LPCAT3: variants seen among roughly 807,000 people sequenced by gnomAD.
The protein encoded by LPCAT3 is lysophosphatidylcholine acyltransferase 3.
Under a neutral mutation model 63.4 loss-of-function variants are expected in LPCAT3, and 21 were observed. That is an observed-to-expected ratio of 0.33 (90% CI 0.23 to 0.48). The LOEUF is 0.48. Among genes scored for constraint, LPCAT3 ranks in the 20% least tolerant of loss-of-function variants. The pLI is 0.99. For missense variants in LPCAT3, 451 were observed against 590.6 expected (o/e 0.76, Z 2.45); for synonymous variants, 242 against 227.5 (o/e 1.06, Z -0.58).
intron 1 of LPCAT3, among the ~76,000 whole-genome samples, chr12:7,003,060 A>G (rs1300415868): frequency 6.6e-6 from 1 of 152,184 alleles, no homozygotes; most frequent in Admixed American, 6.5e-5. Flanking sequence ...TCTCTTATAT[A>G]CCAACATACA....
intron 4 of LPCAT3, 62 bp from the exon 5 acceptor site, chr12:6,981,694 A>T: frequency 1.1e-6 from 1 of 898,898 alleles, no homozygotes; most frequent in Non-Finnish European, 1.7e-6. Flanking sequence ...TGTGGCCTGT[A>T]GACTGAGTGC....
At position 6,997,379 on chromosome 12, in the gene LPCAT3, ATGTGTGTGTGTGTG is replaced by A. The variant is rs201579525; in HGVS notation, c.152-13854_152-13841del. ...CATGCCCCCAAAACAACAGCAAATT[ATGTGTGTGTGTGTG>A]TGTGTGTGTGTGTGTGTGTGTGTGT... On this transcript the variant is annotated intron_variant, in intron 1 of 12. Transcript: ENST00000261407. 2.6e-3 allele frequency: 294 copies of A among 114,148 alleles called. 3 individuals carry two copies. The highest frequency in any genetic ancestry group is 6.6e-3 in the Admixed American group (70 of 10,638). The allele number at this position is 114,148 out of a possible 1,614,324, so 7.1% of individuals were successfully genotyped here.
intron 1 of LPCAT3, among the ~76,000 whole-genome samples, chr12:6,995,312 A>G (rs1168938119): frequency 1.3e-5 from 2 of 151,914 alleles, no homozygotes; most frequent in Admixed American, 6.6e-5. Flanking sequence ...CATCTCTACT[A>G]AAAATACAAA....
chr12:6,982,980 C>CT, intron 2 of LPCAT3, 198 bp from the exon 3 acceptor site: 4 of 655,004 alleles, frequency 6.1e-6, no homozygotes, highest in Admixed American at 2.2e-5. Context: ...TATTTCTTTT[C>CT]TTTTTTTGTT....
rs1013072744 is a variant in LPCAT3, at chr12:6,977,903, T to C, written c.1041-158A>G. On this transcript the variant is annotated intron_variant, in intron 9 of 12. Transcript: ENST00000261407. The surrounding 1 kb of genome is among the most constrained non-coding windows in gnomAD (Gnocchi z 4.5). ...AGGAGGCAGTGCTGACTGATTACTT[T>C]TAGAGATGGAAAGCAGACCCAAGGC... is the stretch of plus-strand genomic sequence containing the variant. 4.3e-5 allele frequency: 36 copies of C among 835,586 alleles called. No homozygotes were observed. The highest frequency in any genetic ancestry group is 6.4e-5 in the Non-Finnish European group (34 of 535,010). 51.8% of individuals were successfully genotyped at this position (835,586 alleles called of 1,614,324 possible). A position where few individuals can be genotyped will look rare whatever the true frequency, so the allele number is the denominator to read the frequency against.
chr12:6,998,569 G>A (rs782801486), intron 1 of LPCAT3, among the ~76,000 whole-genome samples: 30 of 152,314 alleles, frequency 2.0e-4, no homozygotes, highest in African/African-American at 7.2e-4. Flanking sequence ...TAAGTGATGG[G>A]TAACTGATTA....
chr12:7,002,762 G>A (rs149997811), intron 1 of LPCAT3, among the ~76,000 whole-genome samples: 6,323 of 152,234 alleles, frequency 0.042, 356 homozygotes, highest in African/African-American at 0.13. Flanking sequence ...TGTAATCCCA[G>A]CACTTTGGGA....
chr12:7,000,144 T>C (rs1946672046), intron 1 of LPCAT3, among the ~76,000 whole-genome samples: 1 of 151,820 alleles, frequency 6.6e-6, no homozygotes, highest in African/African-American at 2.4e-5. Flanking sequence ...GGTCTTGAAC[T>C]CCTGACCTCT....
At position 7,018,441 on chromosome 12, in the gene LPCAT3, C is replaced by T. The variant is rs1555157815; in HGVS notation, c.-17G>A. 6.3e-7 allele frequency: 1 copy of T among 1,582,778 alleles called. No homozygotes were observed. The highest frequency in any genetic ancestry group is 2.3e-5 in the East Asian group (1 of 44,160). ...GGACGCCATCTTAACTCCGGGAGCC[C>T]CACAGGGACCCCCCAGCTCCGCGCG... On this transcript the variant is annotated 5_prime_UTR_variant, in exon 1 of 13. Coordinates refer to ENST00000261407, the MANE Select transcript of LPCAT3 (RefSeq NM_005768.6). This position sits in a 1 kb window ranked among gnomAD's most constrained non-coding sequence, Gnocchi z 4.9.
intron 1 of LPCAT3, among the ~76,000 whole-genome samples, chr12:6,990,048 G>A (rs1555155273): frequency 1.3e-5 from 2 of 151,580 alleles, no homozygotes; most frequent in African/African-American, 2.4e-5. Context: ...TGGGTGGTGC[G>A]TGCCTGTAGT....
intron 1 of LPCAT3, among the ~76,000 whole-genome samples, chr12:7,009,212 C>T (rs1946746236): frequency 6.6e-6 from 1 of 152,164 alleles, no homozygotes; most frequent in Non-Finnish European, 1.5e-5. Flanking sequence ...CAGGCATGTG[C>T]CACCATGCCC....
chr12:6,993,526 T>G (rs782115501), intron 1 of LPCAT3, among the ~76,000 whole-genome samples: 1 of 152,204 alleles, frequency 6.6e-6, no homozygotes, highest in South Asian at 2.1e-4. Flanking sequence ...CCATACATGT[T>G]GGCAGTCATT....
chr12:7,002,881 C>T (rs782422015), intron 1 of LPCAT3, among the ~76,000 whole-genome samples: 24 of 152,128 alleles, frequency 1.6e-4, no homozygotes, highest in East Asian at 3.9e-4. Context: ...TGGTGGCGGG[C>T]GCCTGTAATC....
chr12:6,991,385 T>A (rs1184057217), intron 1 of LPCAT3, among the ~76,000 whole-genome samples: 2 of 152,222 alleles, frequency 1.3e-5, no homozygotes, highest in African/African-American at 4.8e-5. Flanking sequence ...AATGGATATT[T>A]TACCATGCAT....
At chr12:7,011,034 G>T (rs777967806) in intron 1 of LPCAT3, among the ~76,000 whole-genome samples, 15 of 152,016 alleles carry the variant, frequency 9.9e-5, no homozygotes, top group Non-Finnish European at 1.6e-4. Context: ...ATTTATTTTT[G>T]AGACAGAATC....
At position 6,981,805 on chromosome 12, in the gene LPCAT3, A is replaced by G. The variant is rs1946474521; in HGVS notation, c.460+6T>C. On this transcript the variant is annotated splice_donor_region_variant and intron_variant, in intron 4 of 12. Transcript: ENST00000261407. ...GTAAGGAAGGCAGGCAGTGACCATC[A>G]CTCACCAATCAGCTTCAAAGTCAGA... The G allele has an allele frequency of 6.2e-7, 1 of 1,609,082 alleles. No homozygotes were observed. Among genetic ancestry groups the G allele is most frequent in the African/African-American group, 1.3e-5 (1 of 74,730 alleles).
intron 1 of LPCAT3, among the ~76,000 whole-genome samples, chr12:7,008,665 T>C (rs987086517): frequency 1.3e-5 from 2 of 152,072 alleles, no homozygotes; most frequent in African/African-American, 4.8e-5. Context: ...GGCAGGAGAA[T>C]TGCTGGAACC....
At chr12:6,989,756 C>G (rs1408262056) in intron 1 of LPCAT3, among the ~76,000 whole-genome samples, 3 of 152,182 alleles carry the variant, frequency 2.0e-5, no homozygotes, top group African/African-American at 7.2e-5. Context: ...CCAGATCTAT[C>G]ACAACGTGCA....
At chr12:6,988,783 T>C (rs782650284) in intron 1 of LPCAT3, among the ~76,000 whole-genome samples, 2 of 152,168 alleles carry the variant, frequency 1.3e-5, no homozygotes, top group Non-Finnish European at 2.9e-5. Context: ...TTGGGGTTGA[T>C]GCCTTACCTT....
Sources: allele counts gnomAD v4.1 joint callset (sites outside exome capture counted in the v4.1 genomes callset), GRCh38; gene constraint gnomAD v4.1.1; non-coding constraint Gnocchi (gnomAD v3.1); transcripts MANE v1.5; gene names NCBI Gene and HGNC (gene_info 2026-07-23, HGNC 2026-07-21).